The following ADGRG4 variants were observed in gnomAD, a reference collection of about 807,000 sequenced individuals.
ADGRG4 encodes adhesion G protein-coupled receptor G4, also known as G protein-coupled receptor 112.
Under a neutral mutation model 126.2 loss-of-function variants are expected in ADGRG4, and 122 were observed. The observed-to-expected ratio is 0.97, with a 90% CI of 0.83 to 1.12. The LOEUF (loss-of-function observed/expected upper bound fraction) is 1.12. Among genes scored for constraint, ADGRG4 ranks in the 50% most tolerant of loss-of-function variants. The pLI is 0.00. For synonymous variants in ADGRG4, 943 were observed against 838.7 expected, an observed-to-expected ratio of 1.12 and a Z score of -2.15; for missense variants, 2,481 against 2,251.8, an observed-to-expected ratio of 1.10 and a Z score of -2.06.
In ADGRG4 at chrX:136,349,746, C is replaced by G. The variant is rs1035826431; in HGVS notation, c.6040C>G (p.Leu2014Val). 6.6e-6 allele frequency: 8 copies of G among 1,209,270 alleles called. No homozygotes were observed. The highest frequency in any genetic ancestry group is 9.0e-6 in the Non-Finnish European group (8 of 893,844). ...SPILTWLLSS[L>V]PSGSPPATVS... ...CATTCTGACATGGCTCTTATCTAGT[C>G]TCCCTTCTGGCTCCCCTCCGGCAAC... The change falls in exon 6 of 26, where the codon CTC becomes GTC. Residue 2014 changes from leucine to valine, a missense_variant. Transcript: ENST00000394143.
rs369405864 is a variant in ADGRG4 at position 136,348,967 on chromosome X, C to G, written c.5261C>G (p.Thr1754Ser). 4.1e-6 allele frequency: 5 copies of G among 1,209,266 alleles called. No homozygotes were observed. Among genetic ancestry groups the G allele is most frequent in the Non-Finnish European group, 4.5e-6 (4 of 893,579 alleles). Residue 1754 changes from threonine to serine, a missense_variant, in exon 6 of 26, where the codon ACT (threonine) becomes AGT (serine). Transcript: ENST00000394143. ...GTTCCTGAAAATATGCTTTCACCTACTCATGCAGATAGTCTCCATACTTCC... is the reference window on the plus strand; with the variant it reads ...GTTCCTGAAAATATGCTTTCACCTAGTCATGCAGATAGTCTCCATACTTCC... Reference protein sequence around the residue: ...ITVPENMLSPTHADSLHTSFN... With the variant: ...ITVPENMLSPSHADSLHTSFN...
At position 136,346,429 on chromosome X, in the gene ADGRG4, A is replaced by G. The variant is rs759819975; in HGVS notation, c.2723A>G (p.Glu908Gly). 7 of 1,211,460 alleles carry G rather than the reference A, an allele frequency of 5.8e-6. No individual in the cohort carries two copies. Among genetic ancestry groups the G allele is most frequent in the Non-Finnish European group, 6.7e-6 (6 of 895,117 alleles). The change falls in exon 6 of 26, where the codon GAA becomes GGA. Residue 908 changes from glutamate to glycine, a missense_variant. Glu to Gly is a moderately conservative substitution (Grantham distance 98, BLOSUM62 -2). Transcript: ENST00000394143. ...AAAACTGCAACAACTGAGGTGAGAG[A>G]AAGTTGGCTTTTGACAAAATTGGTG... The part of the protein sequence containing the change: ...DNKTATTEVR[E>G]SWLLTKLVKT...
intron 15 of ADGRG4, among the ~76,000 whole-genome samples, chrX:136,375,135 T>C (rs189734580): frequency 9.0e-6 from 1 of 111,589 alleles, no homozygotes; most frequent in East Asian, 2.8e-4. Flanking sequence ...ATATATGATA[T>C]TTGGTTTTCC....
chrX:136,380,910 G>T (rs1231857953), intron 15 of ADGRG4, among the ~76,000 whole-genome samples: 11 of 108,196 alleles, frequency 1.0e-4, no homozygotes, highest in Admixed American at 1.0e-3. Flanking sequence ...TAAAGACAGG[G>T]TCTTTCTTTG....
At position 136,411,018 on chromosome X, in the gene ADGRG4, C is replaced by A. The variant is rs896170648; in HGVS notation, c.8936-1247C>A. Among the ~76,000 whole-genome samples, 4 of 111,646 alleles carry A rather than the reference C, an allele frequency of 3.6e-5. No individual in the cohort carries two copies. In the Admixed American group the frequency reaches 3.8e-4, roughly 11 times the overall value. Reference sequence around the variant, plus strand: ...TTATTTCTGCCAATCCTACCCCCAACTGCAGGAAATCTAATTGGTCCTCCA... The same window carrying A: ...TTATTTCTGCCAATCCTACCCCCAAATGCAGGAAATCTAATTGGTCCTCCA... On this transcript the variant is annotated intron_variant, in intron 23 of 25. Transcript: ENST00000394143.
rs1358564380 is a variant in ADGRG4 at position 136,348,418 on chromosome X, C to G, written c.4712C>G (p.Ala1571Gly). 2.5e-6 allele frequency: 3 copies of G among 1,207,986 alleles called. No individual in the cohort carries two copies. The highest frequency in any genetic ancestry group is 3.4e-6 in the Non-Finnish European group (3 of 892,209). The change falls in exon 6 of 26, where the codon GCT becomes GGT. Residue 1571 changes from alanine (A) to glycine (G), a missense_variant. By Grantham distance (60) the Ala-to-Gly change is moderately conservative (BLOSUM62 0). Transcript: ENST00000394143. ...EMSSIPVNNSAFTPATVSSDT... is the reference protein window; with the variant it reads ...EMSSIPVNNSGFTPATVSSDT... ...TCCTCAATACCAGTTAATAACTCTG[C>G]TTTCACACCTGCAACAGTCTCTTCT...
At chrX:136,414,068 T>C in intron 24 of ADGRG4, 92 bp from the exon 25 acceptor site, 2 of 762,708 alleles carry the variant, frequency 2.6e-6, no homozygotes, top group Non-Finnish European at 3.7e-6. Flanking sequence ...AACCAGGTTA[T>C]TGAAGTGTAA....
intron 10 of ADGRG4, among the ~76,000 whole-genome samples, chrX:136,357,987 A>G (rs1318554799): frequency 8.9e-6 from 1 of 111,869 alleles, no homozygotes. Context: ...CAGTGAAGAG[A>G]AAAAGGGGTG....
In ADGRG4 at chrX:136,356,124, A is replaced by G; in HGVS notation, c.6888-2A>G. The G allele has an allele frequency of 8.5e-7, 1 of 1,177,863 alleles. No homozygotes were observed. Among genetic ancestry groups the G allele is most frequent in the Non-Finnish European group, 1.2e-6 (1 of 867,920 alleles). Reference sequence around the variant, plus strand: ...TATAATTTTGTAATGCTTTTGATACAGGGACATTTCAGAGGAAGAGATGGT... The same window carrying G: ...TATAATTTTGTAATGCTTTTGATACGGGGACATTTCAGAGGAAGAGATGGT... On this transcript the variant is annotated splice_acceptor_variant, in intron 8 of 25. Coordinates refer to ENST00000394143, the MANE Select transcript of ADGRG4 (RefSeq NM_153834.4). LOFTEE classifies it high-confidence loss of function.
rs760044574 is a variant in ADGRG4, at chrX:136,345,448, G to A, written c.1742G>A (p.Arg581His). 39 of 1,208,982 alleles carry A rather than the reference G, an allele frequency of 3.2e-5. No homozygotes were observed. Among genetic ancestry groups the A allele is most frequent in the Non-Finnish European group, 4.1e-5 (37 of 893,295 alleles). The change falls in exon 6 of 26, where the codon CGT becomes CAT. Residue 581 changes from arginine to histidine, a missense_variant. Arg to His is a conservative substitution (Grantham distance 29, BLOSUM62 0). Coordinates refer to ENST00000394143, the MANE Select transcript of ADGRG4 (RefSeq NM_153834.4). ...VQTVIDAEAT[R>H]TALTPEITLA... is the part of the protein sequence containing the mutation. ...ACAGTTATTGATGCTGAAGCTACAC[G>A]TACAGCCTTAACTCCTGAAATCACA...
chrX:136,414,607 A>G (rs1359900483), intron 25 of ADGRG4, among the ~76,000 whole-genome samples: 2 of 112,892 alleles, frequency 1.8e-5, no homozygotes, highest in Non-Finnish European at 3.7e-5. Flanking sequence ...AAAATTCATG[A>G]GTAATTAAAA....
intron 5 of ADGRG4, among the ~76,000 whole-genome samples, chrX:136,330,140 A>G (rs1040519409): frequency 1.8e-5 from 2 of 111,027 alleles, no homozygotes; most frequent in Non-Finnish European, 3.8e-5. Context: ...ATTAAGTTCT[A>G]TACAATTTTA....
intron 5 of ADGRG4, among the ~76,000 whole-genome samples, chrX:136,333,110 T>C (rs1394197550): frequency 1.8e-5 from 2 of 111,679 alleles, no homozygotes; most frequent in South Asian, 7.6e-4. Flanking sequence ...ATTTAATAAA[T>C]GGTGCTGGGA....
intron 5 of ADGRG4, among the ~76,000 whole-genome samples, chrX:136,328,143 A>T (rs916805153): frequency 1.8e-5 from 2 of 111,317 alleles, no homozygotes; most frequent in East Asian, 5.6e-4. Flanking sequence ...AGGCATTTTC[A>T]TATCAGAAAA....
intron 3 of ADGRG4, 64 bp from the exon 4 acceptor site, chrX:136,308,705 T>C: frequency 1.5e-6 from 1 of 649,036 alleles, no homozygotes; most frequent in African/African-American, 2.1e-5. Flanking sequence ...TGTGGTCACA[T>C]ACGCTTAGAA....
At chrX:136,311,045 C>T (rs1400373233) in intron 4 of ADGRG4, among the ~76,000 whole-genome samples, 1 of 110,894 alleles carries the variant, frequency 9.0e-6, no homozygotes, top group Non-Finnish European at 1.9e-5. Context: ...GGGCCCTCTT[C>T]CTGGCTTGTA....
At chrX:136,302,815 A>G (rs1327041319) in intron 1 of ADGRG4, among the ~76,000 whole-genome samples, 1 of 112,137 alleles carries the variant, frequency 8.9e-6, no homozygotes, top group African/African-American at 3.2e-5. Flanking sequence ...AGTGCTTTAC[A>G]TGTATTATCT....
intron 15 of ADGRG4, among the ~76,000 whole-genome samples, chrX:136,373,801 C>CA (rs2148482543): frequency 9.1e-6 from 1 of 110,117 alleles, no homozygotes; most frequent in South Asian, 4.0e-4. Context: ...CCCATCTCCA[C>CA]AAAAAAATTA....
intron 19 of ADGRG4, 107 bp downstream of exon 19, chrX:136,395,600 T>A (rs761807542): frequency 3.7e-5 from 15 of 408,618 alleles, no homozygotes; most frequent in African/African-American, 3.1e-4. Context: ...TGGAAAAAAA[T>A]CCCCCTTCCA....
Sources: gnomAD v4.1 joint callset for allele counts (sites outside exome capture counted in the v4.1 genomes callset) on GRCh38, gnomAD v4.1.1 for gene constraint, MANE v1.5 for transcripts, NCBI Gene and HGNC (gene_info 2026-07-23, HGNC 2026-07-21) for gene names.